RHAG: variants seen among roughly 807,000 people sequenced by gnomAD.
RHAG encodes Rh associated glycoprotein.
RHAG carries 25 observed loss-of-function variants against 42.4 expected under a neutral mutation model. The observed-to-expected ratio is 0.59, with a 90% CI of 0.43 to 0.82. The LOEUF is 0.82. Ranked by LOEUF, RHAG falls within the 40% of genes least tolerant of loss-of-function variation. The pLI is 0.00. For synonymous variants in RHAG, 182 were observed against 177.7 expected (o/e 1.02, Z -0.19); for missense variants, 483 against 504.6 (o/e 0.96, Z 0.41).
chr6:49,611,196 T>A, intron 6 of RHAG, 51 bp from the exon 7 acceptor site: 1 of 1,478,496 alleles, frequency 6.8e-7, no homozygotes, highest in Non-Finnish European at 9.4e-7. Flanking sequence ...CATATAGAAC[T>A]CTAGAACTGA....
At chr6:49,632,632 A>C (rs1762950355) in intron 1 of RHAG, among the ~76,000 whole-genome samples, 1 of 152,200 alleles carries the variant, frequency 6.6e-6, no homozygotes, top group Admixed American at 6.5e-5. Flanking sequence ...ACAGTATTAC[A>C]GTGTGACACA....
At chr6:49,616,098 A>G (rs746208843) in intron 3 of RHAG, among the ~76,000 whole-genome samples, 4 of 152,276 alleles carry the variant, frequency 2.6e-5, no homozygotes, top group Middle Eastern at 3.4e-3. Flanking sequence ...GGTGAGACTT[A>G]GATAAGAACA....
chr6:49,626,609 T>C (rs1762849064), intron 1 of RHAG, among the ~76,000 whole-genome samples: 1 of 152,176 alleles, frequency 6.6e-6, no homozygotes, highest in South Asian at 2.1e-4. Flanking sequence ...GGATCTACCA[T>C]TCTGGGGTCT....
chr6:49,630,646 C>T (rs1374603330), intron 1 of RHAG, among the ~76,000 whole-genome samples: 1 of 152,118 alleles, frequency 6.6e-6, no homozygotes, highest in East Asian at 1.9e-4. Flanking sequence ...ATACAATAAA[C>T]ACTTACATAC....
intron 1 of RHAG, among the ~76,000 whole-genome samples, chr6:49,624,213 A>C (rs1032349453): frequency 3.3e-5 from 5 of 151,868 alleles, no homozygotes; most frequent in African/African-American, 1.2e-4. Context: ...TAATTAATTA[A>C]TTTATTTTGA....
intron 4 of RHAG, 113 bp from the exon 5 acceptor site, chr6:49,614,966 G>T: frequency 2.9e-6 from 3 of 1,029,092 alleles, no homozygotes; most frequent in Non-Finnish European, 4.3e-6. Context: ...ATTTATTTTT[G>T]AGATGGAGTG....
At chr6:49,624,706 A>G (rs6923940) in intron 1 of RHAG, among the ~76,000 whole-genome samples, 34,294 of 152,150 alleles carry the variant, frequency 0.23, 4,213 homozygotes, top group African/African-American at 0.32. Flanking sequence ...TGTCTCCAGT[A>G]TCTGGTACAG....
At chr6:49,623,808 T>C (rs1407878692) in intron 1 of RHAG, among the ~76,000 whole-genome samples, 1 of 152,186 alleles carries the variant, frequency 6.6e-6, no homozygotes, top group Non-Finnish European at 1.5e-5. Flanking sequence ...CTTTTAAGGA[T>C]TCATAGTAAG....
chr6:49,606,651 G>T, intron 9 of RHAG, 197 bp downstream of exon 9: 2 of 526,850 alleles, frequency 3.8e-6, no homozygotes, highest in South Asian at 3.2e-5. Context: ...GCCCAGGCTG[G>T]ACCCAAACTC....
chr6:49,607,076 C>T (rs1762482853), intron 8 of RHAG, 74 bp downstream of exon 8: 7 of 1,367,304 alleles, frequency 5.1e-6, no homozygotes, highest in Non-Finnish European at 7.3e-6. Flanking sequence ...TAGCAATTGA[C>T]TTGCTCATTA....
chr6:49,634,470 A>T (rs1762977284), intron 1 of RHAG, among the ~76,000 whole-genome samples: 1 of 152,186 alleles, frequency 6.6e-6, no homozygotes, highest in South Asian at 2.1e-4. Context: ...ATATTTCCAA[A>T]GAAAATGAAA....
intron 7 of RHAG, among the ~76,000 whole-genome samples, chr6:49,607,717 A>G (rs1055203787): frequency 1.3e-5 from 2 of 152,194 alleles, no homozygotes; most frequent in Admixed American, 6.5e-5. Flanking sequence ...TTAGTAAAAA[A>G]TACTTTGTAA....
rs538648665 is a variant in RHAG at position 49,625,924 on chromosome 6, T to C, written c.158-6562A>G. On this transcript the variant is annotated intron_variant, in intron 1 of 9. Transcript: ENST00000371175. ...GGCAAGAGAGCTTGTGTAGGACAAC[T>C]CCCCTTTATAAAACCATCAGCTCTC... 4.6e-5 allele frequency among the ~76,000 whole-genome samples: 7 copies of C among 152,196 alleles called. No homozygotes were observed. In the East Asian group the frequency reaches 9.7e-4, roughly 21 times the overall value.
At chr6:49,630,062 G>A (rs936948704) in intron 1 of RHAG, among the ~76,000 whole-genome samples, 5 of 152,222 alleles carry the variant, frequency 3.3e-5, no homozygotes, top group Admixed American at 1.3e-4. Flanking sequence ...CAGAGGAGGC[G>A]CCGAGAGCGA....
At chr6:49,628,070 G>A in intron 1 of RHAG, among the ~76,000 whole-genome samples, 1 of 151,724 alleles carries the variant, frequency 6.6e-6, no homozygotes, top group East Asian at 2.0e-4. Flanking sequence ...ATATAGATAT[G>A]TATATATGCC....
At chr6:49,629,412 G>T (rs1229551517) in intron 1 of RHAG, among the ~76,000 whole-genome samples, 1 of 152,162 alleles carries the variant, frequency 6.6e-6, no homozygotes. Flanking sequence ...GCCGGTTGGT[G>T]TATTTACAAT....
rs1048465422 is a variant in RHAG at position 49,605,591 on chromosome 6, T to C, written c.*222A>G. On this transcript the variant is annotated 3_prime_UTR_variant, in exon 10 of 10. Coordinates refer to ENST00000371175, the MANE Select transcript of RHAG (RefSeq NM_000324.3). Reference sequence around the variant, plus strand: ...TGAGTAACATCCCCTCAATTAATCATTGAAGAGCAAGAGACAGCATCAGAC... The same window carrying C: ...TGAGTAACATCCCCTCAATTAATCACTGAAGAGCAAGAGACAGCATCAGAC... 9.5e-6 allele frequency: 6 copies of C among 632,390 alleles called. No individual in the cohort carries two copies. Among genetic ancestry groups the C allele is most frequent in the South Asian group, 3.4e-5 (2 of 59,384 alleles). The allele number at this position is 632,390 out of a possible 1,614,324, so 39.2% of individuals were successfully genotyped here.
intron 1 of RHAG, among the ~76,000 whole-genome samples, chr6:49,624,046 C>T (rs868681511): frequency 1.1e-4 from 16 of 152,118 alleles, no homozygotes; most frequent in Middle Eastern, 3.4e-3. Flanking sequence ...CAAGCATTTT[C>T]CTGAAAGTTG....
At chr6:49,615,864 A>AATT in intron 3 of RHAG, 93 bp from the exon 4 acceptor site, 1 of 1,302,778 alleles carries the variant, frequency 7.7e-7, no homozygotes, top group Non-Finnish European at 1.1e-6. Context: ...TGTTGGTTAA[A>AATT]CAACTTAAAA....
Sources: allele counts gnomAD v4.1 joint callset (sites outside exome capture counted in the v4.1 genomes callset), GRCh38; gene constraint gnomAD v4.1.1; transcripts MANE v1.5; gene names NCBI Gene and HGNC (gene_info 2026-07-23, HGNC 2026-07-21).